MS4A18: variants seen among roughly 807,000 people sequenced by gnomAD.
The protein encoded by MS4A18 is membrane spanning 4-domains A18.
In MS4A18, 27 loss-of-function variants were observed where a neutral mutation model predicts 13.1. That is an observed-to-expected ratio of 2.06 (90% CI 1.52 to 2.84). The LOEUF (loss-of-function observed/expected upper bound fraction) is 2.84, where lower values mean the gene tolerates loss of function less well. MS4A18 is among the 30% of genes most tolerant of loss of function. The probability of loss-of-function intolerance (pLI) is 0.00; values close to 1 mark genes in which losing one functional copy is unlikely to be tolerated. For missense variants in MS4A18, 307 were observed against 196.4 expected (o/e 1.56, Z -3.37); for synonymous variants, 126 against 76.5 (o/e 1.65, Z -3.38).
At chr11:60,727,325 A>G (rs73492908), upstream of MS4A18, among the ~76,000 whole-genome samples, 719 of 152,270 alleles carry the variant, frequency 4.7e-3, 7 homozygotes, top group African/African-American at 0.016. Context: ...AGAAGGTGCC[A>G]CTATTATGCA....
chr11:60,743,233 G>A (rs1232438087), intron 5 of MS4A18, among the ~76,000 whole-genome samples: 1 of 152,218 alleles, frequency 6.6e-6, no homozygotes, highest in Non-Finnish European at 1.5e-5. Flanking sequence ...CTGATTCCCT[G>A]GGTCTGCTGG....
At chr11:60,731,514 C>T (rs961605444) in intron 1 of MS4A18, among the ~76,000 whole-genome samples, 15 of 152,204 alleles carry the variant, frequency 9.9e-5, no homozygotes, top group Non-Finnish European at 1.5e-4. Context: ...GTATTTAGCC[C>T]GAGATAACTT....
At position 60,729,741 on chromosome 11, in the gene MS4A18, A is replaced by G. The variant is rs1249956885; in HGVS notation, c.426A>G (p.Ser142=). 1.0e-5 allele frequency: 7 copies of G among 702,422 alleles called. No homozygotes were observed. In the African/African-American group the frequency reaches 1.2e-4, roughly 12 times the overall value. 43.5% of individuals were successfully genotyped at this position (702,422 alleles called of 1,614,324 possible). Reference sequence around the variant, plus strand: ...ACACGTCATTTGCATCATTTACTTCATTTAATCCCAAGAAATTCATAAATG... The same window carrying G: ...ACACGTCATTTGCATCATTTACTTCGTTTAATCCCAAGAAATTCATAAATG... Residue 142 remains serine (S), a synonymous_variant, in exon 1 of 6, where the codon TCA becomes TCG. Coordinates refer to ENST00000529108, the Ensembl canonical transcript of MS4A18.
downstream of MS4A18, chr11:60,744,229 A>G: frequency 2.0e-6 from 1 of 505,530 alleles, no homozygotes; most frequent in East Asian, 3.5e-5. Context: ...AGTATCTTTT[A>G]ACCTTGGCAA....
At chr11:60,728,501 C>CTG (rs558469275), upstream of MS4A18, among the ~76,000 whole-genome samples, 1 of 149,192 alleles carries the variant, frequency 6.7e-6, no homozygotes, top group Admixed American at 6.7e-5. Flanking sequence ...TTCCCTCTCT[C>CTG]TGTGTGTGTG....
chr11:60,731,002 G>A (rs1853245965), intron 1 of MS4A18, among the ~76,000 whole-genome samples: 1 of 152,138 alleles, frequency 6.6e-6, no homozygotes, highest in Non-Finnish European at 1.5e-5. Context: ...GCTGAGGCAG[G>A]AGAATGGCGT....
At chr11:60,731,545 T>C (rs920066410) in intron 1 of MS4A18, among the ~76,000 whole-genome samples, 1 of 152,216 alleles carries the variant, frequency 6.6e-6, no homozygotes, top group East Asian at 1.9e-4. Context: ...TCCCTTTTAT[T>C]ATAACTTTCG....
intron 1 of MS4A18, 121 bp downstream of exon 2, chr11:60,729,907 C>T: frequency 5.0e-6 from 3 of 603,824 alleles, no homozygotes; most frequent in Admixed American, 5.7e-5. Flanking sequence ...GTGTGGGGGG[C>T]AGTTTCTGGA....
chr11:60,736,906 T>C, intron 2 of MS4A18, 72 bp from the exon 4 acceptor site: 1 of 680,668 alleles, frequency 1.5e-6, no homozygotes, highest in Non-Finnish European at 2.6e-6. Flanking sequence ...AATGCGTCTC[T>C]GAGTGGACAG....
chr11:60,733,588 C>T (rs1474069510), exon 2 of MS4A18: 2 of 703,596 alleles, frequency 2.8e-6, no homozygotes, highest in Admixed American at 4.0e-5. Context: ...TAACCCTGTG[C>T]TGTATTACTA....
intron 1 of MS4A18, among the ~76,000 whole-genome samples, chr11:60,730,508 A>G (rs1853237893): frequency 6.6e-6 from 1 of 152,238 alleles, no homozygotes; most frequent in Non-Finnish European, 1.5e-5. Context: ...AAGATGAAGG[A>G]GGGTCTTTGT....
At chr11:60,731,672 T>A (rs146018084) in intron 1 of MS4A18, among the ~76,000 whole-genome samples, 349 of 152,358 alleles carry the variant, frequency 2.3e-3, no homozygotes, top group Non-Finnish European at 3.8e-3. Flanking sequence ...ACTAAAAATG[T>A]CAAATCCTAG....
At chr11:60,725,151 A>G (rs1311307765), upstream of MS4A18, among the ~76,000 whole-genome samples, 1 of 152,166 alleles carries the variant, frequency 6.6e-6, no homozygotes, top group African/African-American at 2.4e-5. Flanking sequence ...TAGGACCTCA[A>G]TCTAGAACTG....
upstream of MS4A18, chr11:60,729,249 A>G (rs1004950108): frequency 6.1e-6 from 4 of 657,256 alleles, no homozygotes; most frequent in East Asian, 1.1e-4. Context: ...ATGAGATAAG[A>G]TGCATTATTC....
chr11:60,739,036 A>T (rs1315140504), intron 4 of MS4A18, 39 bp downstream of exon 5: 2 of 701,056 alleles, frequency 2.9e-6, no homozygotes, highest in African/African-American at 3.5e-5. Context: ...CTGCCAAAGG[A>T]CCAGGAGGGC....
chr11:60,732,726 G>A (rs1203678657), intron 1 of MS4A18, among the ~76,000 whole-genome samples: 5 of 113,828 alleles, frequency 4.4e-5, no homozygotes, highest in African/African-American at 7.7e-5. Context: ...GCAAGACTCC[G>A]TCTCAAAAAA....
intron 1 of MS4A18, 119 bp downstream of exon 2, chr11:60,729,905 G>C: frequency 1.7e-6 from 1 of 604,442 alleles, no homozygotes; most frequent in East Asian, 2.7e-5. Context: ...GGGTGTGGGG[G>C]GCAGTTTCTG....
At chr11:60,743,373 C>A (rs1293424332) in intron 5 of MS4A18, among the ~76,000 whole-genome samples, 3 of 152,330 alleles carry the variant, frequency 2.0e-5, no homozygotes, top group African/African-American at 7.2e-5. Context: ...TCAACAGGGA[C>A]AACTGGGCCA....
chr11:60,731,701 G>A (rs1412650726), intron 1 of MS4A18, among the ~76,000 whole-genome samples: 3 of 152,218 alleles, frequency 2.0e-5, no homozygotes, highest in East Asian at 1.9e-4. Context: ...GCATTTCTAC[G>A]CATGGTGTTA....
Sources: gnomAD v4.1 joint callset for allele counts (sites outside exome capture counted in the v4.1 genomes callset) on GRCh38, gnomAD v4.1.1 for gene constraint, MANE v1.5 for transcripts, NCBI Gene and HGNC (gene_info 2026-07-23, HGNC 2026-07-21) for gene names.